GTF2A2: variants seen among roughly 807,000 people sequenced by gnomAD.
GTF2A2 encodes general transcription factor IIA subunit 2, also known as transcription initiation factor IIA subunit 2.
In GTF2A2, 9 loss-of-function variants were observed where a neutral mutation model predicts 14.3. The observed-to-expected ratio is 0.63, with a 90% CI of 0.38 to 1.10. The LOEUF is 1.10. Ranked by LOEUF, GTF2A2 falls within the 50% of genes least tolerant of loss-of-function variation. The probability of loss-of-function intolerance (pLI) is 0.01; values close to 1 mark genes in which losing one functional copy is unlikely to be tolerated. For synonymous variants in GTF2A2, 56 were observed against 46.0 expected, an observed-to-expected ratio of 1.22 and a Z score of -0.88; for missense variants, 90 against 124.6, an observed-to-expected ratio of 0.72 and a Z score of 1.32.
chr15:59,642,957 GTGTT>G (rs1314959656), intron 3 of GTF2A2, among the ~76,000 whole-genome samples: 1 of 151,832 alleles, frequency 6.6e-6, no homozygotes, highest in Non-Finnish European at 1.5e-5. Flanking sequence ...AGCAGAGATG[GTGTT>G]TCACCATGTT....
At chr15:59,642,071 ATCT>A (rs1465304260) in intron 4 of GTF2A2, 62 bp downstream of exon 4, 1 of 1,451,916 alleles carries the variant, frequency 6.9e-7, no homozygotes, top group African/African-American at 1.4e-5. Context: ...ATGGATGCAG[ATCT>A]TCTAAAGGCT....
chr15:59,641,167 A>C (rs1246842098), intron 4 of GTF2A2, among the ~76,000 whole-genome samples: 1 of 143,214 alleles, frequency 7.0e-6, no homozygotes, highest in Non-Finnish European at 1.5e-5. Flanking sequence ...CAGCCTGGGC[A>C]ATACAGCAAG....
chr15:59,639,711 G>GCATCCCA (rs1484140090), intron 4 of GTF2A2, among the ~76,000 whole-genome samples: 12 of 151,722 alleles, frequency 7.9e-5, no homozygotes, highest in African/African-American at 2.9e-4. Flanking sequence ...GCCCGCCTCG[G>GCATCCCA]CATCCCAAAG....
At chr15:59,643,354 A>T (rs1446832419) in intron 3 of GTF2A2, among the ~76,000 whole-genome samples, 1 of 151,878 alleles carries the variant, frequency 6.6e-6, no homozygotes, top group Non-Finnish European at 1.5e-5. Context: ...TGCTGGGATT[A>T]CAGGCATGAA....
intron 2 of GTF2A2, chr15:59,651,811 C>T (rs10851662): frequency 0.97 from 153,033 of 157,804 alleles, 74,382 homozygotes; most frequent in East Asian, 1. Flanking sequence ...CTCAGCCTCC[C>T]GAGTAACTGG....
chr15:59,640,553 T>C (rs1202118177), intron 4 of GTF2A2, among the ~76,000 whole-genome samples: 1 of 152,164 alleles, frequency 6.6e-6, no homozygotes, highest in Non-Finnish European at 1.5e-5. Flanking sequence ...CAGCTGCCCA[T>C]ACCCACATTT....
chr15:59,640,959 T>C (rs1478279081), intron 4 of GTF2A2, among the ~76,000 whole-genome samples: 4 of 152,210 alleles, frequency 2.6e-5, no homozygotes, highest in African/African-American at 9.6e-5. Flanking sequence ...TTCTGAACTA[T>C]AACAAGTCCC....
At position 59,639,119 on chromosome 15, in the gene GTF2A2, A is replaced by C; in HGVS notation, c.*13T>G. 1.4e-6 allele frequency: 2 copies of C among 1,395,818 alleles called. No individual in the cohort carries two copies. The highest frequency in any genetic ancestry group is 2.0e-6 in the Non-Finnish European group (2 of 984,234). The allele number at this position is 1,395,818 out of a possible 1,614,324, so 86.5% of individuals were successfully genotyped here. A position where few individuals can be genotyped will look rare whatever the true frequency, so the allele number is the denominator to read the frequency against. ...TAACAGAAGATGGTGTAAAAAAGTC[A>C]TATTTTTTCTATTCATTCTGTAGTA... is the stretch of plus-strand genomic sequence containing the variant. On this transcript the variant is annotated 3_prime_UTR_variant, in exon 5 of 5. Coordinates refer to ENST00000396060, the MANE Select transcript of GTF2A2 (RefSeq NM_004492.3).
intron 4 of GTF2A2, among the ~76,000 whole-genome samples, chr15:59,641,655 T>C (rs1243833125): frequency 6.6e-6 from 1 of 151,850 alleles, no homozygotes. Flanking sequence ...CTAGGTCTGG[T>C]GTGAAAAGTT....
At chr15:59,656,426 CTCT>C (rs1163069304) in intron 1 of GTF2A2, among the ~76,000 whole-genome samples, 1 of 88,346 alleles carries the variant, frequency 1.1e-5, no homozygotes, top group Admixed American at 1.0e-4. Context: ...CTTTATATTT[CTCT>C]TTTTTTTTTT....
chr15:59,641,976 T>C (rs149115416), intron 4 of GTF2A2, among the ~76,000 whole-genome samples, 160 bp downstream of exon 4: 129 of 152,348 alleles, frequency 8.5e-4, no homozygotes, highest in African/African-American at 3.0e-3. Context: ...CTGTTTGAGA[T>C]ATGTAATCAG....
Position 59,642,124 on chromosome 15 carries a change from G to A in GTF2A2, c.304+12C>T, listed in dbSNP as rs1891449683. The A allele has an allele frequency of 1.3e-6, 2 of 1,596,780 alleles. No individual in the cohort carries two copies. The highest frequency in any genetic ancestry group is 1.7e-6 in the Non-Finnish European group (2 of 1,172,912). On this transcript the variant is annotated intron_variant, in intron 4 of 4. Coordinates refer to ENST00000396060, the MANE Select transcript of GTF2A2 (RefSeq NM_004492.3). ...TTCAAGTAGCTTTCACAGAAATAAG[G>A]CAAGCACTTACTTTTACCATCACAG...
intron 1 of GTF2A2, among the ~76,000 whole-genome samples, chr15:59,656,646 A>C (rs762397291): frequency 6.6e-6 from 1 of 152,148 alleles, no homozygotes; most frequent in Non-Finnish European, 1.5e-5. Flanking sequence ...TGCGTGTGGG[A>C]GGGGAGAGGG....
At chr15:59,645,576 C>T (rs553384672) in intron 3 of GTF2A2, among the ~76,000 whole-genome samples, 33 of 152,042 alleles carry the variant, frequency 2.2e-4, no homozygotes, top group African/African-American at 8.0e-4. Context: ...TCACCCATGA[C>T]GTTAAGGGAA....
chr15:59,644,867 GTGAAGGATCTTAAGCA>G (rs1223573768), intron 3 of GTF2A2, among the ~76,000 whole-genome samples: 2 of 152,200 alleles, frequency 1.3e-5, no homozygotes, highest in Non-Finnish European at 2.9e-5. Flanking sequence ...TGGGAAGTCA[GTGAAGGATCTTAAGCA>G]TAAGAGTCTG....
chr15:59,638,071 G>C lies in GTF2A2; in HGVS notation c.*1061C>G, dbSNP rs1380174264. ...ACATGCATAGAATGAATTGGAAGAT[G>C]AAACAATTTTATTTTCTTTGTAGGG... is the stretch of plus-strand genomic sequence containing the variant. On this transcript the variant is annotated 3_prime_UTR_variant, in exon 5 of 5. Transcript: ENST00000396060. 6.6e-6 allele frequency: 1 copy of C among 152,154 alleles called. No individual in the cohort carries two copies. The highest frequency in any genetic ancestry group is 1.5e-5 in the Non-Finnish European group (1 of 68,032). 9.4% of individuals were successfully genotyped at this position (152,154 alleles called of 1,614,324 possible).
intron 4 of GTF2A2, chr15:59,640,043 A>C (rs1270537193): frequency 6.6e-6 from 1 of 152,308 alleles, no homozygotes; most frequent in Admixed American, 6.6e-5. Flanking sequence ...GAGCCACTGC[A>C]CCTGGCCTAC....
At chr15:59,640,966 TCCCCAACAATA>T (rs1299395793) in intron 4 of GTF2A2, among the ~76,000 whole-genome samples, 3 of 152,152 alleles carry the variant, frequency 2.0e-5, no homozygotes, top group Non-Finnish European at 4.4e-5. Context: ...CTATAACAAG[TCCCCAACAATA>T]ACGCTGCTAG....
chr15:59,657,466 G>A lies in GTF2A2; in HGVS notation c.-110C>T, dbSNP rs984363638. 2.6e-5 allele frequency: 4 copies of A among 152,622 alleles called. No homozygotes were observed. Among genetic ancestry groups the A allele is most frequent in the South Asian group, 2.1e-4 (1 of 4,840 alleles). The allele number at this position is 152,622 out of a possible 1,614,324, so 9.5% of individuals were successfully genotyped here. On this transcript the variant is annotated 5_prime_UTR_variant, in exon 1 of 5. Coordinates refer to ENST00000396060, the MANE Select transcript of GTF2A2 (RefSeq NM_004492.3). Reference sequence around the variant, plus strand: ...GAAGCCGCCACGAGCCCGGCAGGAGGTTCCTACTTCTCCGACCACCTCTCC... The same window carrying A: ...GAAGCCGCCACGAGCCCGGCAGGAGATTCCTACTTCTCCGACCACCTCTCC...
Sources: gnomAD v4.1 joint callset for allele counts (sites outside exome capture counted in the v4.1 genomes callset) on GRCh38, gnomAD v4.1.1 for gene constraint, MANE v1.5 for transcripts, NCBI Gene and HGNC (gene_info 2026-07-23, HGNC 2026-07-21) for gene names.